The following ENTPD4 variants were observed in gnomAD, a reference collection of about 807,000 sequenced individuals.
ENTPD4 encodes ectonucleoside triphosphate diphosphohydrolase 4.
Under a neutral mutation model 79.1 loss-of-function variants are expected in ENTPD4, and 60 were observed. That is an observed-to-expected ratio of 0.76 (90% CI 0.62 to 0.94). The LOEUF is 0.94. ENTPD4 is among the 40% of genes least tolerant of loss of function. The probability of loss-of-function intolerance (pLI) is 0.00; values close to 1 mark genes in which losing one functional copy is unlikely to be tolerated. For missense variants in ENTPD4, 772 were observed against 775.1 expected, an observed-to-expected ratio of 1.00 and a Z score of 0.05; for synonymous variants, 276 against 292.0, an observed-to-expected ratio of 0.95 and a Z score of 0.56.
chr8:23,441,446 G>T, intron 8 of ENTPD4, 123 bp downstream of exon 8: 1 of 1,500,114 alleles, frequency 6.7e-7, no homozygotes. Flanking sequence ...CTCCTGGGTT[G>T]AGAGGCGGCA....
Position 23,431,547 on chromosome 8 carries a change from C to T in ENTPD4, c.*1379G>A. 3 of 985,344 alleles carry T rather than the reference C, an allele frequency of 3.0e-6. No individual in the cohort carries two copies. Among genetic ancestry groups the T allele is most frequent in the Non-Finnish European group, 3.6e-6 (3 of 829,926 alleles). 61.0% of individuals were successfully genotyped at this position (985,344 alleles called of 1,614,324 possible). A position where few individuals can be genotyped will look rare whatever the true frequency, so the allele number is the denominator to read the frequency against. On this transcript the variant is annotated 3_prime_UTR_variant, in exon 13 of 13. Transcript: ENST00000358689. ...TTCCTTCAAAATGTGAATTTATTTC[C>T]TGTATTGGATGCAGACTCTTCCCTT...
At chr8:23,435,617 T>C (rs1331169358) in intron 10 of ENTPD4, 140 bp from the exon 11 acceptor site, 10 of 652,320 alleles carry the variant, frequency 1.5e-5, no homozygotes, top group South Asian at 9.1e-5. Flanking sequence ...ATACAACAAA[T>C]GGCAAGACAC....
At chr8:23,439,998 T>C in intron 8 of ENTPD4, 83 bp from the exon 9 acceptor site, 2 of 1,199,214 alleles carry the variant, frequency 1.7e-6, no homozygotes, top group African/African-American at 1.5e-5. Context: ...AATAGTCTCA[T>C]CTAAAAGGGA....
intron 1 of ENTPD4, among the ~76,000 whole-genome samples, chr8:23,451,418 C>T (rs1198527082): frequency 6.6e-6 from 1 of 152,178 alleles, no homozygotes; most frequent in South Asian, 2.1e-4. Context: ...GCTCTTATCT[C>T]TTGCCTGCTC....
intron 4 of ENTPD4, among the ~76,000 whole-genome samples, chr8:23,445,006 G>GT (rs1396223643): frequency 6.6e-6 from 1 of 152,106 alleles, no homozygotes; most frequent in Non-Finnish European, 1.5e-5. Flanking sequence ...TGAGCGTGGG[G>GT]TAACTGTCCA....
Position 23,443,910 on chromosome 8 carries a change from C to G in ENTPD4, c.607G>C (p.Val203Leu). ...TCAGAAAACAGAAAGTCAAAGTGCA[C>G]GGGGATATCGGTCAGAAGGTCTTCC... ...ILEDLLTDIP[V>L]HFDFLFSDSH... Residue 203 changes from valine (V) to leucine (L), a missense_variant, in exon 6 of 13, where the codon GTG becomes CTG. Coordinates refer to ENST00000358689, the MANE Select transcript of ENTPD4 (RefSeq NM_004901.5). The G allele has an allele frequency of 6.2e-7, 1 of 1,613,396 alleles. No homozygotes were observed. Among genetic ancestry groups the G allele is most frequent in the Non-Finnish European group, 8.5e-7 (1 of 1,179,582 alleles).
At chr8:23,443,992 C>T in intron 5 of ENTPD4, 39 bp from the exon 6 acceptor site, 2 of 1,382,482 alleles carry the variant, frequency 1.4e-6, no homozygotes, top group Non-Finnish European at 2.0e-6. Context: ...CAAAAGATTA[C>T]AGCTTGGTAT....
Position 23,444,978 on chromosome 8 carries a change from C to T in ENTPD4, c.413-372G>A, listed in dbSNP as rs115090938. On this transcript the variant is annotated intron_variant, in intron 4 of 12. Transcript: ENST00000358689. ...CCGAACTGTGCCACCAGCCATGCAGCACTCATTAGCCTCCAGGTGAGCGTG... is the reference window on the plus strand; with the variant it reads ...CCGAACTGTGCCACCAGCCATGCAGTACTCATTAGCCTCCAGGTGAGCGTG... 6.7e-3 allele frequency among the ~76,000 whole-genome samples: 1,026 copies of T among 152,290 alleles called. 15 individuals carry two copies. The highest frequency in any genetic ancestry group is 0.023 in the African/African-American group (962 of 41,560).
intron 9 of ENTPD4, 132 bp from the exon 10 acceptor site, chr8:23,437,390 A>T: frequency 1.5e-6 from 1 of 649,660 alleles, no homozygotes; most frequent in Non-Finnish European, 2.6e-6. Flanking sequence ...TGTGGAACAG[A>T]AAAGGGTTCC....
chr8:23,438,503 A>G (rs957292759), intron 9 of ENTPD4, among the ~76,000 whole-genome samples: 6 of 152,258 alleles, frequency 3.9e-5, no homozygotes, highest in African/African-American at 1.4e-4. Flanking sequence ...TGTAATTACT[A>G]TAAAAGTCCA....
chr8:23,444,371 AGAG>A (rs967326919), intron 5 of ENTPD4, 82 bp downstream of exon 5: 3 of 1,136,868 alleles, frequency 2.6e-6, no homozygotes, highest in Non-Finnish European at 3.8e-6. Flanking sequence ...ATGATGATGG[AGAG>A]GAGAAGGAGG....
rs1800445413 is a variant in ENTPD4, at chr8:23,431,032, C to G, written c.*1894G>C. ...CGCTTTGAAATCCAGGTGAGGGAGC[C>G]ATGCCCCCACAGCTCTTGCCTCAAG... On this transcript the variant is annotated 3_prime_UTR_variant, in exon 13 of 13. Coordinates refer to ENST00000358689, the MANE Select transcript of ENTPD4 (RefSeq NM_004901.5). The G allele has an allele frequency of 1.1e-6, 1 of 924,354 alleles. No homozygotes were observed. The highest frequency in any genetic ancestry group is 1.8e-5 in the African/African-American group (1 of 56,080). The allele number at this position is 924,354 out of a possible 1,614,324, so 57.3% of individuals were successfully genotyped here. A position where few individuals can be genotyped will look rare whatever the true frequency, so the allele number is the denominator to read the frequency against.
chr8:23,441,482 T>C, intron 8 of ENTPD4, 87 bp downstream of exon 8: 1 of 1,565,184 alleles, frequency 6.4e-7, no homozygotes, highest in South Asian at 1.2e-5. Flanking sequence ...TAAAGATGTG[T>C]TCAGACTCAG....
chr8:23,450,882 A>T (rs1800847648), intron 1 of ENTPD4, among the ~76,000 whole-genome samples: 1 of 152,118 alleles, frequency 6.6e-6, no homozygotes, highest in African/African-American at 2.4e-5. Flanking sequence ...TAACAACTGC[A>T]ATCTTCTCCC....
At chr8:23,454,585 A>T (rs1049883893) in intron 1 of ENTPD4, among the ~76,000 whole-genome samples, 1 of 152,366 alleles carries the variant, frequency 6.6e-6, no homozygotes, top group Non-Finnish European at 1.5e-5. Context: ...GCAGGAAAAG[A>T]TTCCTAGAGG....
intron 1 of ENTPD4, among the ~76,000 whole-genome samples, chr8:23,453,653 G>A (rs1800903593): frequency 6.6e-6 from 1 of 152,192 alleles, no homozygotes; most frequent in African/African-American, 2.4e-5. Flanking sequence ...ACAGGGGAAG[G>A]GGAAAAGGTC....
chr8:23,432,467 C>G lies in ENTPD4; in HGVS notation c.*459G>C, dbSNP rs1006756497. 2.0e-6 allele frequency: 2 copies of G among 986,972 alleles called. No individual in the cohort carries two copies. The highest frequency in any genetic ancestry group is 3.5e-5 in the African/African-American group (2 of 57,200). The allele number at this position is 986,972 out of a possible 1,614,324, so 61.1% of individuals were successfully genotyped here. On this transcript the variant is annotated 3_prime_UTR_variant, in exon 13 of 13. Transcript: ENST00000358689. ...TAATGCTGTACTCAAAATGGCTAAA[C>G]GCAATACTTCTAGACAGCAGGGCTT...
chr8:23,435,337 C>T, intron 11 of ENTPD4, 55 bp downstream of exon 11: 1 of 1,296,420 alleles, frequency 7.7e-7, no homozygotes, highest in Non-Finnish European at 1.1e-6. Context: ...CCAGTGGGGC[C>T]AACACTGCAT....
At chr8:23,434,651 A>G (rs902250326) in intron 11 of ENTPD4, 173 bp from the exon 12 acceptor site, 4 of 1,435,478 alleles carry the variant, frequency 2.8e-6, no homozygotes, top group Non-Finnish European at 3.6e-6. Flanking sequence ...CTTGCTTCAC[A>G]TCCCTGGTCC....
Sources: allele counts gnomAD v4.1 joint callset (sites outside exome capture counted in the v4.1 genomes callset), GRCh38; gene constraint gnomAD v4.1.1; transcripts MANE v1.5; gene names NCBI Gene and HGNC (gene_info 2026-07-23, HGNC 2026-07-21).